MEI4: variants seen among roughly 807,000 people sequenced by gnomAD.
The protein encoded by MEI4 is meiosis-specific protein MEI4.
In MEI4, 27 loss-of-function variants were observed where a neutral mutation model predicts 31.4. The ratio of observed to expected loss-of-function variants is 0.86; its 90% CI spans 0.63 to 1.19. MEI4 has a LOEUF of 1.19. MEI4 is among the 50% of genes most tolerant of loss of function. MEI4 has a pLI of 0.00. For synonymous variants in MEI4, 122 were observed against 145.4 expected (o/e 0.84, Z 1.16); for missense variants, 329 against 398.9 (o/e 0.82, Z 1.49).
chr6:77,758,401 C>T (rs1371169118), intron 2 of MEI4, among the ~76,000 whole-genome samples: 1 of 152,092 alleles, frequency 6.6e-6, no homozygotes, highest in East Asian at 1.9e-4. Flanking sequence ...AAAGCTCAAT[C>T]CTCCAATTCT....
intron 2 of MEI4, among the ~76,000 whole-genome samples, chr6:77,758,606 AGTT>A (rs1193581690): frequency 6.6e-6 from 1 of 152,194 alleles, no homozygotes; most frequent in African/African-American, 2.4e-5. Context: ...TGCCAATAGT[AGTT>A]CTGCACAACC....
At chr6:77,739,026 T>A (rs562392072) in intron 2 of MEI4, among the ~76,000 whole-genome samples, 1 of 152,356 alleles carries the variant, frequency 6.6e-6, no homozygotes, top group East Asian at 1.9e-4. Context: ...TCTCCCATTC[T>A]GTCAGTTGCC....
At chr6:77,749,740 C>A (rs1198745925) in intron 2 of MEI4, among the ~76,000 whole-genome samples, 1 of 152,032 alleles carries the variant, frequency 6.6e-6, no homozygotes, top group Non-Finnish European at 1.5e-5. Context: ...CAAGGCAGGC[C>A]AACATTCAAA....
At chr6:77,712,798 C>T (rs1234029576) in intron 2 of MEI4, among the ~76,000 whole-genome samples, 1 of 151,806 alleles carries the variant, frequency 6.6e-6, no homozygotes, top group African/African-American at 2.4e-5. Flanking sequence ...GGTGAAACCC[C>T]GTCTCTACTA....
chr6:77,760,443 GTCTTATATTATCTTT>G lies in MEI4; in HGVS notation c.233-685_233-671del, dbSNP rs566887927. Among the ~76,000 whole-genome samples, 1,141 of 152,096 alleles carry G rather than the reference GTCTTATATTATCTTT, an allele frequency of 7.5e-3. 7 individuals carry two copies. Among genetic ancestry groups the G allele is most frequent in the Non-Finnish European group, 0.011 (720 of 67,984 alleles). ...TTTACAGGATGAAGGTTCTTAACAT[GTCTTATATTATCTTT>G]TATGATCTGGCCTCTATATTATTTA... is the stretch of plus-strand genomic sequence containing the variant. On this transcript the variant is annotated intron_variant, in intron 2 of 4. Coordinates refer to ENST00000684080, the MANE Select transcript of MEI4 (RefSeq NM_001322247.2).
In MEI4 at chr6:77,924,107, T is replaced by G. The variant is rs903689132; in HGVS notation, c.*761T>G. 5 of 151,832 alleles carry G rather than the reference T, an allele frequency of 3.3e-5. No individual in the cohort carries two copies. Among genetic ancestry groups the G allele is most frequent in the Middle Eastern group, 3.3e-3 (1 of 306 alleles). The allele number at this position is 151,832 out of a possible 1,614,324, so 9.4% of individuals were successfully genotyped here. A position where few individuals can be genotyped will look rare whatever the true frequency, so the allele number is the denominator to read the frequency against. On this transcript the variant is annotated 3_prime_UTR_variant, in exon 5 of 5. Transcript: ENST00000684080. ...CTAATATCCATCTAAAAGTGAAATTTATAGTTATTTGGTGGAATTTTTCAG... is the reference window on the plus strand; with the variant it reads ...CTAATATCCATCTAAAAGTGAAATTGATAGTTATTTGGTGGAATTTTTCAG...
chr6:77,796,214 G>A (rs1172500620), intron 3 of MEI4, among the ~76,000 whole-genome samples: 1 of 152,084 alleles, frequency 6.6e-6, no homozygotes, highest in Non-Finnish European at 1.5e-5. Flanking sequence ...GGTATAGAAG[G>A]AATGCACTTC....
chr6:77,798,703 T>C (rs1356082549), intron 3 of MEI4, among the ~76,000 whole-genome samples: 1 of 141,726 alleles, frequency 7.1e-6, no homozygotes, highest in Non-Finnish European at 1.5e-5. Flanking sequence ...CCATGTGTTC[T>C]CATTGTTCAG....
rs371603186 is a variant in MEI4 at position 77,918,860 on chromosome 6, A to G, written c.901-4229A>G. 6.6e-5 allele frequency among the ~76,000 whole-genome samples: 10 copies of G among 152,118 alleles called. No homozygotes were observed. The South Asian group carries it at 1.0e-3, about 16-fold the overall frequency. On this transcript the variant is annotated intron_variant, in intron 4 of 4. Coordinates refer to ENST00000684080, the MANE Select transcript of MEI4 (RefSeq NM_001322247.2). Reference sequence around the variant, plus strand: ...CTGTCTTGTGCCAGTTTTCAAAGAGAATGCTTCCAGTTTTTGCCCATTCAG... The same window carrying G: ...CTGTCTTGTGCCAGTTTTCAAAGAGGATGCTTCCAGTTTTTGCCCATTCAG...
chr6:77,662,854 C>T (rs1433435823), intron 1 of MEI4, among the ~76,000 whole-genome samples: 4 of 152,024 alleles, frequency 2.6e-5, no homozygotes, highest in South Asian at 2.1e-4. Context: ...AGAATTATGC[C>T]GAGATAGGTA....
intron 4 of MEI4, among the ~76,000 whole-genome samples, chr6:77,877,761 A>G (rs1304140928): frequency 6.7e-6 from 1 of 149,776 alleles, no homozygotes; most frequent in South Asian, 2.1e-4. Context: ...GCAGCCCAAG[A>G]AAAGGCGCTA....
intron 4 of MEI4, among the ~76,000 whole-genome samples, chr6:77,874,220 A>T (rs1307142598): frequency 1.3e-5 from 2 of 152,110 alleles, no homozygotes; most frequent in Non-Finnish European, 2.9e-5. Flanking sequence ...CACAATATTG[A>T]TTCTTCCTAC....
At chr6:77,801,750 A>T (rs577558313) in intron 3 of MEI4, among the ~76,000 whole-genome samples, 12 of 152,282 alleles carry the variant, frequency 7.9e-5, no homozygotes, top group African/African-American at 2.4e-4. Flanking sequence ...GTTATTCAGG[A>T]GCAGGTTGTT....
chr6:77,762,889 T>C (rs1386551849), intron 3 of MEI4, among the ~76,000 whole-genome samples: 1 of 152,192 alleles, frequency 6.6e-6, no homozygotes, highest in Admixed American at 6.5e-5. Context: ...AGATATAAAA[T>C]CCATTTCTAA....
chr6:77,699,918 G>A lies in MEI4; in HGVS notation c.232+9015G>A, dbSNP rs181448677. Among the ~76,000 whole-genome samples, 1,107 of 151,344 alleles carry A rather than the reference G, an allele frequency of 7.3e-3. 42 individuals are homozygous for A. The highest frequency in any genetic ancestry group is 0.056 in the Admixed American group (853 of 15,262). ...GGTGGCTGTAGAACAGCGGATTTTG[G>A]TGACCCGCAAATGCTGCTGCCTGAT... On this transcript the variant is annotated intron_variant, in intron 2 of 4. Transcript: ENST00000684080.
chr6:77,899,393 T>C (rs565321741), intron 4 of MEI4, among the ~76,000 whole-genome samples: 34 of 152,192 alleles, frequency 2.2e-4, no homozygotes, highest in Non-Finnish European at 2.5e-4. Context: ...CTCCCCATTA[T>C]ATAAAATGTG....
rs56019393 is a variant in MEI4, at chr6:77,671,279, C to G, written c.-15+18187C>G. On this transcript the variant is annotated intron_variant, in intron 1 of 4. Coordinates refer to ENST00000684080, the MANE Select transcript of MEI4 (RefSeq NM_001322247.2). ...TTCACCATGTTGGCCAGGCTGGTCT[C>G]GAACTCCTGACCTCAGGTGATCTGC... Among the ~76,000 whole-genome samples the G allele has an allele frequency of 4.6e-4, 70 of 151,944 alleles. 1 individual carries two copies. Among genetic ancestry groups the G allele is most frequent in the Non-Finnish European group, 1.6e-4 (11 of 67,964 alleles).
chr6:77,851,480 G>GT (rs1283042729), intron 4 of MEI4, among the ~76,000 whole-genome samples: 3 of 152,138 alleles, frequency 2.0e-5, no homozygotes, highest in African/African-American at 7.2e-5. Context: ...CATGTCCTTT[G>GT]TAGGGACATG....
intron 4 of MEI4, among the ~76,000 whole-genome samples, chr6:77,865,325 C>T (rs1582231280): frequency 1.3e-5 from 2 of 152,040 alleles, no homozygotes; most frequent in Admixed American, 1.3e-4. Flanking sequence ...AATTGATAGA[C>T]TGCTAGCAAG....
Sources: allele counts gnomAD v4.1 joint callset (sites outside exome capture counted in the v4.1 genomes callset), GRCh38; gene constraint gnomAD v4.1.1; transcripts MANE v1.5; gene names NCBI Gene and HGNC (gene_info 2026-07-23, HGNC 2026-07-21).